The following KLF8 variants were observed in gnomAD, a reference collection of about 807,000 sequenced individuals.
The protein encoded by KLF8 is KLF transcription factor 8.
Under a neutral mutation model 18.2 loss-of-function variants are expected in KLF8, and 10 were observed. The observed-to-expected ratio is 0.55, with a 90% confidence interval of 0.34 to 0.93. KLF8 has a LOEUF of 0.93. Ranked by LOEUF, KLF8 falls within the 40% of genes least tolerant of loss-of-function variation. KLF8 has a pLI of 0.02. For missense variants in KLF8, 264 were observed against 277.9 expected, an observed-to-expected ratio of 0.95 and a Z score of 0.36; for synonymous variants, 109 against 97.3, an observed-to-expected ratio of 1.12 and a Z score of -0.71.
Position 56,269,336 on chromosome X carries a change from C to A in KLF8, c.647-42C>A, listed in dbSNP as rs766832503. The A allele has an allele frequency of 1.2e-4, 137 of 1,156,683 alleles. No homozygotes were observed. The African/African-American group carries it at 2.1e-3, about 18-fold the overall frequency. The stretch of plus-strand genomic sequence containing the variant: ...AATCCTGAAAATGATTAAAGAGGCA[C>A]ATACATCTTCAGCTCACACTGCTCC... On this transcript the variant is annotated intron_variant, in intron 3 of 5. Transcript: ENST00000468660.
chrX:56,205,096 G>T, the KLF8 span, among the ~76,000 whole-genome samples: 1 of 110,898 alleles, frequency 9.0e-6, no homozygotes, highest in African/African-American at 3.3e-5. Flanking sequence ...AGACTAGACT[G>T]CTTGTCATGT....
the KLF8 span, among the ~76,000 whole-genome samples, chrX:56,187,824 T>G: frequency 9.0e-5 from 10 of 111,715 alleles, no homozygotes; most frequent in Non-Finnish European, 1.9e-4. Context: ...AATTCAACAA[T>G]GCTTCATGCT....
At chrX:55,968,505 A>T in the KLF8 span, among the ~76,000 whole-genome samples, 6 of 112,155 alleles carry the variant, frequency 5.3e-5, no homozygotes, top group Non-Finnish European at 1.1e-4. Flanking sequence ...AGAAGGTTAT[A>T]TGATTTGTCT....
chrX:55,935,493 A>G, the KLF8 span, among the ~76,000 whole-genome samples: 185 of 112,621 alleles, frequency 1.6e-3, 1 homozygote, highest in Non-Finnish European at 3.9e-4. Flanking sequence ...GTAAACAAGG[A>G]GACTTTGTTT....
rs1456816365 is a variant in KLF8, at chrX:56,288,457, GAGA to G, written c.*3969_*3971del. On this transcript the variant is annotated 3_prime_UTR_variant, in exon 6 of 6. Transcript: ENST00000468660. ...ATGAGTTTTTGAAAGTAGGACCACG[GAGA>G]AGAAGTGCCATTTTCATCACATCAT... Among the ~76,000 whole-genome samples the G allele has an allele frequency of 2.7e-5, 3 of 110,811 alleles. No homozygotes were observed. The highest frequency in any genetic ancestry group is 6.6e-5 in the African/African-American group (2 of 30,406).
chrX:55,987,515 A>G, the KLF8 span, among the ~76,000 whole-genome samples: 3 of 111,384 alleles, frequency 2.7e-5, no homozygotes, highest in African/African-American at 9.8e-5. Context: ...CCATGTCCCT[A>G]CAAAGGACAT....
At chrX:55,936,033 G>A in the KLF8 span, among the ~76,000 whole-genome samples, 1 of 112,159 alleles carries the variant, frequency 8.9e-6, no homozygotes, top group East Asian at 2.8e-4. Flanking sequence ...AGAATTAGCT[G>A]CATGGATTTT....
chrX:56,049,586 T>C, the KLF8 span, among the ~76,000 whole-genome samples: 4 of 103,465 alleles, frequency 3.9e-5, no homozygotes, highest in African/African-American at 1.1e-4. Context: ...TTTGCGTATA[T>C]TGAACCAGCC....
the KLF8 span, among the ~76,000 whole-genome samples, chrX:55,933,394 A>G: frequency 8.9e-6 from 1 of 111,872 alleles, no homozygotes; most frequent in Non-Finnish European, 1.9e-5. Flanking sequence ...CAATGTTATG[A>G]AAGCTTCTCT....
chrX:56,249,019 A>G (rs1051046546), intron 1 of KLF8, among the ~76,000 whole-genome samples: 1 of 112,397 alleles, frequency 8.9e-6, no homozygotes, highest in African/African-American at 3.2e-5. Context: ...TGAAAAAAAC[A>G]AAGATGAAAG....
the KLF8 span, among the ~76,000 whole-genome samples, chrX:56,142,314 TA>T: frequency 7.2e-5 from 8 of 111,519 alleles, no homozygotes; most frequent in Admixed American, 5.7e-4. Flanking sequence ...AAGATAGTTT[TA>T]GTCATTCATT....
In KLF8 at chrX:56,284,549, G is replaced by C. The variant is rs2067247759; in HGVS notation, c.*55G>C. The C allele has an allele frequency of 9.8e-7, 1 of 1,023,020 alleles. No individual in the cohort carries two copies. The highest frequency in any genetic ancestry group is 1.3e-6 in the Non-Finnish European group (1 of 775,222). 84.3% of individuals were successfully genotyped at this position (1,023,020 alleles called of 1,213,427 possible). ...CTGGTATCTTTCCTGGTCGTGTGCTGAGGTTGGGACAATTTTTTCCTCTTT... is the reference window on the plus strand; with the variant it reads ...CTGGTATCTTTCCTGGTCGTGTGCTCAGGTTGGGACAATTTTTTCCTCTTT... On this transcript the variant is annotated 3_prime_UTR_variant, in exon 6 of 6. Transcript: ENST00000468660.
the KLF8 span, among the ~76,000 whole-genome samples, chrX:55,982,503 C>G: frequency 6.2e-5 from 7 of 112,032 alleles, no homozygotes; most frequent in Middle Eastern, 4.6e-3. Context: ...ATCCTTCTGC[C>G]TCTAACCTGA....
chrX:56,187,709 C>T, the KLF8 span, among the ~76,000 whole-genome samples: 5 of 110,438 alleles, frequency 4.5e-5, no homozygotes, highest in African/African-American at 1.7e-4. Flanking sequence ...GGATGCAAGG[C>T]TGATTCAATA....
At chrX:55,972,576 G>T in the KLF8 span, among the ~76,000 whole-genome samples, 2 of 111,264 alleles carry the variant, frequency 1.8e-5, no homozygotes, top group African/African-American at 6.5e-5. Flanking sequence ...TTGAGGTGAT[G>T]AATACTACAT....
At chrX:56,078,218 C>G in the KLF8 span, among the ~76,000 whole-genome samples, 3 of 111,786 alleles carry the variant, frequency 2.7e-5, no homozygotes, top group Admixed American at 2.8e-4. Context: ...CTGTCTTGTG[C>G]CAGTTTTCAA....
At chrX:56,008,887 C>G in the KLF8 span, among the ~76,000 whole-genome samples, 1 of 112,072 alleles carries the variant, frequency 8.9e-6, no homozygotes, top group African/African-American at 3.2e-5. Context: ...CTGGTTCTCC[C>G]TGCAGAAACT....
chrX:56,126,586 G>C, the KLF8 span, among the ~76,000 whole-genome samples: 1 of 110,323 alleles, frequency 9.1e-6, no homozygotes, highest in African/African-American at 3.3e-5. Flanking sequence ...GCATGATTTG[G>C]GTCCTGCTCC....
At chrX:55,978,797 A>C in the KLF8 span, among the ~76,000 whole-genome samples, 1 of 111,981 alleles carries the variant, frequency 8.9e-6, no homozygotes, top group African/African-American at 3.2e-5. Context: ...AATAGTAAGG[A>C]CAGGCAGCAA....
Sources: gnomAD v4.1 joint callset for allele counts (sites outside exome capture counted in the v4.1 genomes callset) on GRCh38, gnomAD v4.1.1 for gene constraint, MANE v1.5 for transcripts, NCBI Gene and HGNC (gene_info 2026-07-23, HGNC 2026-07-21) for gene names.